The following TENM2 variants were observed in gnomAD, a reference collection of about 807,000 sequenced individuals.
TENM2 encodes teneurin transmembrane protein 2.
TENM2 carries 52 observed loss-of-function variants against 245.2 expected under a neutral mutation model. The ratio of observed to expected loss-of-function variants is 0.21; its 90% CI spans 0.17 to 0.27. The LOEUF is 0.27. Among genes scored for constraint, TENM2 ranks in the 10% least tolerant of loss-of-function variants. The pLI, the probability that TENM2 is intolerant of heterozygous loss-of-function variation, is 1.00. For missense variants in TENM2, 3,046 were observed against 3,666.8 expected (o/e 0.83, Z 4.37); for synonymous variants, 1,363 against 1,438.9 (o/e 0.95, Z 1.19).
intron 3 of TENM2, among the ~76,000 whole-genome samples, chr5:167,885,841 G>T (rs994563201): frequency 6.6e-6 from 1 of 152,050 alleles, no homozygotes; most frequent in Non-Finnish European, 1.5e-5. Flanking sequence ...GTGCCACCAC[G>T]CCCAGCTAAT....
At chr5:167,640,053 T>A (rs537349662) in intron 2 of TENM2, among the ~76,000 whole-genome samples, 5 of 152,346 alleles carry the variant, frequency 3.3e-5, no homozygotes, top group African/African-American at 9.6e-5. Flanking sequence ...TCCAATGCAC[T>A]GGTCATCCTG....
intron 2 of TENM2, among the ~76,000 whole-genome samples, chr5:167,780,285 C>T (rs1010610516): frequency 2.0e-5 from 3 of 152,170 alleles, no homozygotes; most frequent in Admixed American, 6.5e-5. Context: ...TTATTTGTAA[C>T]CTGAAATCAA....
At chr5:167,592,885 T>A (rs1775971490) in intron 2 of TENM2, among the ~76,000 whole-genome samples, 1 of 152,178 alleles carries the variant, frequency 6.6e-6, no homozygotes. Flanking sequence ...CCAATATAGA[T>A]TCCAGTATTT....
At chr5:167,144,050 G>A in the TENM2 span, among the ~76,000 whole-genome samples, 1 of 152,132 alleles carries the variant, frequency 6.6e-6, no homozygotes, top group African/African-American at 2.4e-5. Flanking sequence ...ACATTGAAAT[G>A]AGGGGGTTTT....
chr5:168,081,206 G>A (rs1012385965), intron 7 of TENM2, among the ~76,000 whole-genome samples: 1 of 152,020 alleles, frequency 6.6e-6, no homozygotes, highest in African/African-American at 2.4e-5. Flanking sequence ...TGTCTCTTTT[G>A]ATCTTTGTTG....
intron 25 of TENM2, among the ~76,000 whole-genome samples, chr5:168,234,910 A>G (rs1765285913): frequency 6.6e-6 from 1 of 152,210 alleles, no homozygotes. Flanking sequence ...GTATTCCAAG[A>G]AGAAGTGGGA....
At chr5:167,750,307 G>A (rs1457105710) in intron 2 of TENM2, among the ~76,000 whole-genome samples, 1 of 152,148 alleles carries the variant, frequency 6.6e-6, no homozygotes, top group Non-Finnish European at 1.5e-5. Context: ...AGAGAGAGCA[G>A]CAGGTGTTTG....
chr5:168,030,849 AATAC>A (rs1349349622), intron 5 of TENM2, among the ~76,000 whole-genome samples: 3 of 152,190 alleles, frequency 2.0e-5, no homozygotes, highest in Non-Finnish European at 4.4e-5. Flanking sequence ...GCATCTCCAG[AATAC>A]ATACAGGAGG....
chr5:167,074,441 T>A, the TENM2 span, among the ~76,000 whole-genome samples: 1 of 152,174 alleles, frequency 6.6e-6, no homozygotes, highest in Non-Finnish European at 1.5e-5. Context: ...GTGTTCATAA[T>A]ACAATGATCA....
chr5:167,299,541 G>A (rs963174116), intron 1 of TENM2, among the ~76,000 whole-genome samples: 3 of 152,200 alleles, frequency 2.0e-5, no homozygotes, highest in African/African-American at 7.2e-5. Flanking sequence ...GGAACACTGA[G>A]AAGTTATTTC....
At chr5:167,945,826 C>A (rs935690242) in intron 3 of TENM2, among the ~76,000 whole-genome samples, 3 of 152,200 alleles carry the variant, frequency 2.0e-5, no homozygotes, top group Admixed American at 6.5e-5. Context: ...TCAAGGACAG[C>A]CCCCTGATAC....
chr5:168,099,845 G>A (rs761648857), intron 9 of TENM2, among the ~76,000 whole-genome samples: 3 of 152,144 alleles, frequency 2.0e-5, no homozygotes, highest in Admixed American at 2.0e-4. Context: ...AAATGACACC[G>A]CTTACAGGCA....
At chr5:167,806,857 C>T (rs770149751) in intron 2 of TENM2, among the ~76,000 whole-genome samples, 2 of 152,136 alleles carry the variant, frequency 1.3e-5, no homozygotes, top group African/African-American at 2.4e-5. Flanking sequence ...CAGTTGTCCT[C>T]TCCCAGTGTA....
the TENM2 span, among the ~76,000 whole-genome samples, chr5:167,073,535 T>C: frequency 1.3e-5 from 2 of 152,152 alleles, no homozygotes; most frequent in African/African-American, 4.8e-5. Context: ...GTCTTTGAAA[T>C]TTGCTATTGT....
chr5:167,870,446 A>G (rs1772707115), intron 2 of TENM2, among the ~76,000 whole-genome samples: 1 of 151,968 alleles, frequency 6.6e-6, no homozygotes, highest in Non-Finnish European at 1.5e-5. Context: ...TAACAGCATG[A>G]TGTTAGGAAA....
At chr5:167,896,543 T>C (rs1343201420) in intron 3 of TENM2, among the ~76,000 whole-genome samples, 3 of 152,148 alleles carry the variant, frequency 2.0e-5, no homozygotes, top group Non-Finnish European at 4.4e-5. Flanking sequence ...ATGAGGGCGG[T>C]ACAAAGAGGA....
chr5:167,697,024 C>G (rs899466536), intron 2 of TENM2, among the ~76,000 whole-genome samples: 1 of 152,230 alleles, frequency 6.6e-6, no homozygotes, highest in Admixed American at 6.5e-5. Context: ...ATGGCCTCTG[C>G]GCATGCTTCC....
intron 2 of TENM2, among the ~76,000 whole-genome samples, chr5:167,844,570 G>C (rs560827617): frequency 6.6e-6 from 1 of 152,176 alleles, no homozygotes; most frequent in African/African-American, 2.4e-5. Context: ...GAATCACCAG[G>C]ATGCATTTGT....
intron 2 of TENM2, among the ~76,000 whole-genome samples, chr5:167,861,482 C>A (rs1402863255): frequency 6.6e-6 from 1 of 152,214 alleles, no homozygotes; most frequent in African/African-American, 2.4e-5. Flanking sequence ...CCAAGCCTTA[C>A]ATCGTCACAT....
Sources: gnomAD v4.1 joint callset for allele counts (sites outside exome capture counted in the v4.1 genomes callset) on GRCh38, gnomAD v4.1.1 for gene constraint, MANE v1.5 for transcripts, NCBI Gene and HGNC (gene_info 2026-07-23, HGNC 2026-07-21) for gene names.